GSG1L: variants seen among roughly 807,000 people sequenced by gnomAD.
GSG1L encodes GSG1 like, also known as germ cell-specific gene 1-like protein.
Under a neutral mutation model 42.1 loss-of-function variants are expected in GSG1L, and 24 were observed. That is an observed-to-expected ratio of 0.57 (90% CI 0.41 to 0.80). The LOEUF is 0.80. GSG1L is among the 30% of genes least tolerant of loss of function. The pLI is 0.00. For synonymous variants in GSG1L, 215 were observed against 203.5 expected (o/e 1.06, Z -0.48); for missense variants, 445 against 472.2 (o/e 0.94, Z 0.53).
intron 4 of GSG1L, among the ~76,000 whole-genome samples, chr16:27,843,473 C>T (rs2083410223): frequency 6.9e-6 from 1 of 144,836 alleles, no homozygotes; most frequent in African/African-American, 2.6e-5. Flanking sequence ...AAGTCTGGCA[C>T]TCCAGCCTGG....
Position 27,979,652 on chromosome 16 carries a change from AAAG to A in GSG1L, c.350-16452_350-16450del, listed in dbSNP as rs1324757047. On this transcript the variant is annotated intron_variant, in intron 1 of 6. Transcript: ENST00000447459. ...TGGGCAGGAGGGAGGGGAAAGAAAG[AAAG>A]AAAGAAAGAGAGAGAGAGAGAGAGA... Among the ~76,000 whole-genome samples the A allele has an allele frequency of 6.0e-5, 4 of 66,336 alleles. No individual in the cohort carries two copies. The South Asian group carries it at 4.6e-3, about 76-fold the overall frequency. The allele number at this position is 66,336 out of a possible 152,430, so 43.5% of individuals were successfully genotyped here. A position where few individuals can be genotyped will look rare whatever the true frequency, so the allele number is the denominator to read the frequency against.
intron 6 of GSG1L, among the ~76,000 whole-genome samples, chr16:27,801,785 CT>C (rs2082885508): frequency 6.6e-6 from 1 of 152,164 alleles, no homozygotes; most frequent in Non-Finnish European, 1.5e-5. Context: ...CAAATCCCAG[CT>C]TTGCTACTTT....
At chr16:27,972,242 A>T (rs2085201180) in intron 1 of GSG1L, among the ~76,000 whole-genome samples, 3 of 152,264 alleles carry the variant, frequency 2.0e-5, no homozygotes, top group Admixed American at 2.0e-4. Context: ...AGCAGAGGTG[A>T]TCAAACTTAG....
intron 3 of GSG1L, among the ~76,000 whole-genome samples, chr16:27,845,794 T>C (rs2083436399): frequency 6.6e-6 from 1 of 152,236 alleles, no homozygotes; most frequent in Admixed American, 6.5e-5. Flanking sequence ...TTTGCCAATT[T>C]TCTTTTTGTT....
chr16:27,803,793 A>ATATATATATATATATATATATATAAT (rs1567460435), intron 6 of GSG1L, among the ~76,000 whole-genome samples: 2 of 56,108 alleles, frequency 3.6e-5, no homozygotes, highest in African/African-American at 1.5e-4. Flanking sequence ...ATATATATAT[A>ATATATATATATATATATATATATAAT]TAGATAGATA....
chr16:27,791,973 C>T (rs1442285276), intron 6 of GSG1L, among the ~76,000 whole-genome samples: 1 of 152,088 alleles, frequency 6.6e-6, no homozygotes, highest in Admixed American at 6.6e-5. Flanking sequence ...GCACCCCCTG[C>T]AGTCACGTTC....
At chr16:27,989,041 AGACTCT>A (rs1179482072) in intron 1 of GSG1L, among the ~76,000 whole-genome samples, 1 of 147,062 alleles carries the variant, frequency 6.8e-6, no homozygotes, top group East Asian at 1.9e-4. Flanking sequence ...TGACAGAGCA[AGACTCT>A]GTCTCAAAAA....
intron 6 of GSG1L, among the ~76,000 whole-genome samples, chr16:27,792,816 G>A (rs970885628): frequency 1.3e-5 from 2 of 152,220 alleles, no homozygotes; most frequent in African/African-American, 2.4e-5. Flanking sequence ...GGGGCTGGGA[G>A]TGAAGGGGGG....
At chr16:28,013,089 T>C (rs1330743042) in intron 1 of GSG1L, among the ~76,000 whole-genome samples, 2 of 151,812 alleles carry the variant, frequency 1.3e-5, no homozygotes, top group Non-Finnish European at 2.9e-5. Flanking sequence ...CCGTGCATGG[T>C]GGCATATGCC....
At chr16:27,903,629 C>T (rs1043770949) in intron 2 of GSG1L, among the ~76,000 whole-genome samples, 6 of 152,306 alleles carry the variant, frequency 3.9e-5, no homozygotes, top group Middle Eastern at 3.4e-3. Flanking sequence ...GCTCCAGATG[C>T]TCAGATGCCC....
At chr16:27,974,776 G>A (rs971753875) in intron 1 of GSG1L, among the ~76,000 whole-genome samples, 8 of 152,318 alleles carry the variant, frequency 5.3e-5, no homozygotes, top group East Asian at 3.9e-4. Context: ...CTGGGTGACC[G>A]TGAGAGGGTG....
At chr16:27,994,730 T>G (rs1027948334) in intron 1 of GSG1L, among the ~76,000 whole-genome samples, 1 of 152,110 alleles carries the variant, frequency 6.6e-6, no homozygotes, top group Non-Finnish European at 1.5e-5. Context: ...TAGAAATAAA[T>G]TAATAAAGGT....
intron 2 of GSG1L, among the ~76,000 whole-genome samples, chr16:27,890,624 G>A (rs1016510446): frequency 3.3e-5 from 5 of 152,200 alleles, no homozygotes; most frequent in African/African-American, 1.2e-4. Flanking sequence ...CTGGTGCCAT[G>A]TTCCTAGCTT....
At chr16:28,060,334 C>G (rs577041724) in intron 1 of GSG1L, among the ~76,000 whole-genome samples, 1 of 152,168 alleles carries the variant, frequency 6.6e-6, no homozygotes, top group East Asian at 1.9e-4. Flanking sequence ...GTGGAGAAGG[C>G]AGGATTTTGG....
rs74406904 is a variant in GSG1L at position 27,890,247 on chromosome 16, C to T, written c.398-5609G>A. Among the ~76,000 whole-genome samples, 1,145 of 152,228 alleles carry T rather than the reference C, an allele frequency of 7.5e-3. 15 individuals are homozygous for T. Among genetic ancestry groups the T allele is most frequent in the African/African-American group, 0.025 (1,036 of 41,534 alleles). On this transcript the variant is annotated intron_variant, in intron 2 of 6. Transcript: ENST00000447459. ...CGCTGAGTGGGATGGAATGGCCCTT[C>T]GGTTCTCAGGGATGCCATACCAGCC...
chr16:27,880,791 T>C (rs1596580812), intron 3 of GSG1L, among the ~76,000 whole-genome samples: 1 of 151,496 alleles, frequency 6.6e-6, no homozygotes, highest in Admixed American at 6.6e-5. Context: ...AGTGAGCAGG[T>C]TGGGGGAAGA....
At chr16:28,057,058 G>A (rs1331177141) in intron 1 of GSG1L, among the ~76,000 whole-genome samples, 1 of 152,170 alleles carries the variant, frequency 6.6e-6, no homozygotes, top group Non-Finnish European at 1.5e-5. Context: ...GGAGGCCGGT[G>A]TGGCTGAAGA....
chr16:27,842,215 G>C (rs1452660459), intron 4 of GSG1L, among the ~76,000 whole-genome samples: 1 of 152,032 alleles, frequency 6.6e-6, no homozygotes, highest in African/African-American at 2.4e-5. Flanking sequence ...GTTGTTGCGC[G>C]TGTTAAATTT....
intron 4 of GSG1L, among the ~76,000 whole-genome samples, chr16:27,835,873 G>T (rs970222481): frequency 4.6e-5 from 7 of 152,014 alleles, no homozygotes; most frequent in Non-Finnish European, 1.0e-4. Flanking sequence ...CATGATTTCT[G>T]CTTCAACCAT....
Sources: allele counts gnomAD v4.1 joint callset (sites outside exome capture counted in the v4.1 genomes callset), GRCh38; gene constraint gnomAD v4.1.1; transcripts MANE v1.5; gene names NCBI Gene and HGNC (gene_info 2026-07-23, HGNC 2026-07-21).